Variants in ZBTB44 observed in about 807,000 individuals in gnomAD.
ZBTB44 encodes the protein zinc finger and BTB domain containing 44, also known as zinc finger and BTB domain-containing protein 44.
In ZBTB44, 15 loss-of-function variants were observed where a neutral mutation model predicts 54.0. That is an observed-to-expected ratio of 0.28 (90% CI 0.19 to 0.43). ZBTB44 has a LOEUF of 0.43. Ranked by LOEUF, ZBTB44 falls within the 20% of genes least tolerant of loss-of-function variation. ZBTB44 has a pLI of 1.00. For synonymous variants in ZBTB44, 230 were observed against 250.1 expected, an observed-to-expected ratio of 0.92 and a Z score of 0.76; for missense variants, 487 against 707.1, an observed-to-expected ratio of 0.69 and a Z score of 3.53.
intron 1 of ZBTB44, among the ~76,000 whole-genome samples, chr11:130,298,257 C>T (rs1290625320): frequency 6.6e-6 from 1 of 151,972 alleles, no homozygotes; most frequent in Non-Finnish European, 1.5e-5. Context: ...ATCCTCCCAC[C>T]TTAGCTTCCT....
chr11:130,309,211 C>T (rs902895496), intron 1 of ZBTB44, among the ~76,000 whole-genome samples: 4 of 152,366 alleles, frequency 2.6e-5, no homozygotes, highest in African/African-American at 9.6e-5. Context: ...ACCCTTGCAA[C>T]CAACCTACTT....
chr11:130,301,235 G>A (rs554458949), intron 1 of ZBTB44, among the ~76,000 whole-genome samples: 59 of 152,310 alleles, frequency 3.9e-4, no homozygotes, highest in African/African-American at 1.4e-3. Context: ...TTTATTGGTG[G>A]CGTGGTGAGA....
chr11:130,265,422 A>G (rs1425328994), intron 1 of ZBTB44, among the ~76,000 whole-genome samples: 2 of 152,072 alleles, frequency 1.3e-5, no homozygotes, highest in African/African-American at 4.8e-5. Context: ...AGGGGGTTTC[A>G]CCATGTTGGC....
At chr11:130,270,005 A>T (rs1939553873) in intron 1 of ZBTB44, among the ~76,000 whole-genome samples, 1 of 152,204 alleles carries the variant, frequency 6.6e-6, no homozygotes, top group Non-Finnish European at 1.5e-5. Flanking sequence ...TGATATATAG[A>T]TTAGCTGATA....
chr11:130,314,330 G>T, intron 1 of ZBTB44, 45 bp downstream of exon 1: 1 of 152,808 alleles, frequency 6.5e-6, no homozygotes, highest in South Asian at 1.9e-4. Context: ...AGCGTGCAGG[G>T]GCCGTCCCCC....
intron 1 of ZBTB44, among the ~76,000 whole-genome samples, chr11:130,292,925 A>G (rs1941392546): frequency 6.6e-6 from 1 of 152,186 alleles, no homozygotes; most frequent in Non-Finnish European, 1.5e-5. Context: ...AGTACCTCAT[A>G]TTTTATATTT....
chr11:130,281,611 A>G (rs1316929347), intron 1 of ZBTB44, among the ~76,000 whole-genome samples: 2 of 149,714 alleles, frequency 1.3e-5, no homozygotes, highest in African/African-American at 5.0e-5. Context: ...TGGGGGGGGG[A>G]TGGAGTCTCG....
rs1271645957 is a variant in ZBTB44, at chr11:130,314,615, A to AGGAGGCGG, written c.-305_-298dup. ...CGGCGTGCCCGCGAGTGGGAGTGCG[A>AGGAGGCGG]GGAGGCGGGGAGGGAAGCACCCCCA... On this transcript the variant is annotated 5_prime_UTR_variant, in exon 1 of 8. Transcript: ENST00000357899. 6.6e-6 allele frequency: 1 copy of AGGAGGCGG among 151,430 alleles called. No individual in the cohort carries two copies. The highest frequency in any genetic ancestry group is 2.4e-5 in the African/African-American group (1 of 41,096). 9.4% of individuals were successfully genotyped at this position (151,430 alleles called of 1,614,324 possible).
At chr11:130,233,005 TAAAAAAAAAGAA>T (rs1280906358) in intron 7 of ZBTB44, 3 of 244,600 alleles carry the variant, frequency 1.2e-5, no homozygotes, top group South Asian at 2.0e-4. Flanking sequence ...GCCATTCTTT[TAAAAAAAAAGAA>T]AAAAAAAAAG....
In ZBTB44 at chr11:130,284,377, T is replaced by C. The variant is rs139156088; in HGVS notation, c.-56-22448A>G. 5.9e-5 allele frequency among the ~76,000 whole-genome samples: 9 copies of C among 152,334 alleles called. 1 individual carries two copies. The highest frequency in any genetic ancestry group is 1.3e-4 in the Admixed American group (2 of 15,302). On this transcript the variant is annotated intron_variant, in intron 1 of 7. Coordinates refer to ENST00000357899, the MANE Select transcript of ZBTB44 (RefSeq NM_001301098.2). ...TAATCACAAACACTTTGGTAATGTA[T>C]AATTACCACAACTGTTCATGGTACC...
rs574996169 is a variant in ZBTB44 at position 130,304,066 on chromosome 11, A to AT, written c.-57+10308dup. ...TTCAAGCATAATACAAATCTAATGT[A>AT]TTTTTTTAATTTTTAAAGGCACACA... On this transcript the variant is annotated intron_variant, in intron 1 of 7. Transcript: ENST00000357899. Among the ~76,000 whole-genome samples the AT allele has an allele frequency of 8.7e-3, 1,319 of 152,290 alleles. 9 individuals are homozygous for AT. The highest frequency in any genetic ancestry group is 0.021 in the African/African-American group (893 of 41,564).
chr11:130,254,356 TCAAA>T (rs1285643289), intron 2 of ZBTB44, among the ~76,000 whole-genome samples: 2 of 151,714 alleles, frequency 1.3e-5, no homozygotes, highest in Non-Finnish European at 2.9e-5. Context: ...TACAAAGAAC[TCAAA>T]CAAATTTACA....
rs1953881029 is a variant in ZBTB44 at position 130,231,692 on chromosome 11, T to C, written c.*72A>G. The C allele has an allele frequency of 6.6e-6, 1 of 152,212 alleles. No individual in the cohort carries two copies. Among genetic ancestry groups the C allele is most frequent in the South Asian group, 2.1e-4 (1 of 4,834 alleles). The allele number at this position is 152,212 out of a possible 1,614,324, so 9.4% of individuals were successfully genotyped here. A position where few individuals can be genotyped will look rare whatever the true frequency, so the allele number is the denominator to read the frequency against. ...TCTTTTCTTTTTTCTTTCCTCTTGC[T>C]CTTTCAAAAACCACCTCTTGGAACT... On this transcript the variant is annotated 3_prime_UTR_variant, in exon 8 of 8. Transcript: ENST00000357899.
intron 1 of ZBTB44, among the ~76,000 whole-genome samples, chr11:130,274,034 G>C (rs930585643): frequency 6.6e-6 from 1 of 151,932 alleles, no homozygotes; most frequent in African/African-American, 2.4e-5. Flanking sequence ...GTTTCAGTGA[G>C]CCAAGAGCAC....
intron 2 of ZBTB44, among the ~76,000 whole-genome samples, chr11:130,257,466 T>C (rs1591970273): frequency 6.6e-6 from 1 of 152,010 alleles, no homozygotes; most frequent in African/African-American, 2.4e-5. Flanking sequence ...CGAACGCATA[T>C]ACTAAAGCAC....
intron 1 of ZBTB44, among the ~76,000 whole-genome samples, chr11:130,295,249 T>C (rs1941570478): frequency 6.6e-6 from 1 of 152,052 alleles, no homozygotes; most frequent in Non-Finnish European, 1.5e-5. Flanking sequence ...AATGAAAACA[T>C]TCTATGAATG....
At chr11:130,270,501 G>C (rs150336239) in intron 1 of ZBTB44, among the ~76,000 whole-genome samples, 53 of 152,298 alleles carry the variant, frequency 3.5e-4, no homozygotes, top group Admixed American at 1.2e-3. Context: ...ACTGAGGCCA[G>C]AAAATTATTT....
At chr11:130,277,326 C>T (rs1163806937) in intron 1 of ZBTB44, among the ~76,000 whole-genome samples, 1 of 152,128 alleles carries the variant, frequency 6.6e-6, no homozygotes, top group Non-Finnish European at 1.5e-5. Context: ...CCAGAACCAG[C>T]TTCAGATCTA....
At chr11:130,266,614 A>G (rs577457525) in intron 1 of ZBTB44, among the ~76,000 whole-genome samples, 1 of 152,348 alleles carries the variant, frequency 6.6e-6, no homozygotes, top group East Asian at 1.9e-4. Flanking sequence ...GGAGGTCAAA[A>G]TATCAACATT....
Sources: allele counts gnomAD v4.1 joint callset (sites outside exome capture counted in the v4.1 genomes callset), GRCh38; gene constraint gnomAD v4.1.1; transcripts MANE v1.5; gene names NCBI Gene and HGNC (gene_info 2026-07-23, HGNC 2026-07-21).